MAPKAP1: variants seen among roughly 807,000 people sequenced by gnomAD.
The protein encoded by MAPKAP1 is target of rapamycin complex 2 subunit MAPKAP1.
In MAPKAP1, 20 loss-of-function variants were observed where a neutral mutation model predicts 65.7. The ratio of observed to expected loss-of-function variants is 0.30; its 90% CI spans 0.21 to 0.44. MAPKAP1 has a LOEUF of 0.44. Among genes scored for constraint, MAPKAP1 ranks in the 20% least tolerant of loss-of-function variants. MAPKAP1 has a pLI of 1.00. For missense variants in MAPKAP1, 423 were observed against 648.0 expected (o/e 0.65, Z 3.77); for synonymous variants, 222 against 244.3 (o/e 0.91, Z 0.85).
chr9:125,474,370 A>C (rs1011090826), intron 9 of MAPKAP1, among the ~76,000 whole-genome samples: 1 of 152,176 alleles, frequency 6.6e-6, no homozygotes, highest in African/African-American at 2.4e-5. Flanking sequence ...TGGAATGTGG[A>C]AACTTTTGTG....
chr9:125,504,273 C>T (rs1329064808), intron 8 of MAPKAP1, among the ~76,000 whole-genome samples: 1 of 152,108 alleles, frequency 6.6e-6, no homozygotes, highest in African/African-American at 2.4e-5. Flanking sequence ...CAAATGTTTA[C>T]TACTCATTTG....
At chr9:125,600,654 A>G (rs1832274236) in intron 4 of MAPKAP1, among the ~76,000 whole-genome samples, 1 of 152,266 alleles carries the variant, frequency 6.6e-6, no homozygotes, top group South Asian at 2.1e-4. Flanking sequence ...AGTAGGGACA[A>G]CAGGGAAAGG....
chr9:125,491,154 A>C (rs1257762457), intron 8 of MAPKAP1, among the ~76,000 whole-genome samples: 13 of 148,750 alleles, frequency 8.7e-5, no homozygotes, highest in Non-Finnish European at 1.6e-4. Flanking sequence ...AAAAAAAAAA[A>C]AAATTTAGGC....
chr9:125,653,743 T>C (rs1833956286), intron 4 of MAPKAP1, among the ~76,000 whole-genome samples: 1 of 152,224 alleles, frequency 6.6e-6, no homozygotes, highest in African/African-American at 2.4e-5. Flanking sequence ...GGTTGCTTTA[T>C]TAAACGACAC....
chr9:125,681,645 A>T (rs1009456144), intron 1 of MAPKAP1, among the ~76,000 whole-genome samples: 4 of 152,250 alleles, frequency 2.6e-5, no homozygotes, highest in Non-Finnish European at 5.9e-5. Flanking sequence ...CCTGAAGGGC[A>T]TGGGACAGTG....
intron 4 of MAPKAP1, 76 bp from the exon 5 acceptor site, chr9:125,585,803 GC>G: frequency 1.4e-6 from 2 of 1,405,712 alleles, no homozygotes; most frequent in African/African-American, 1.4e-5. Flanking sequence ...AGGCCTGTGG[GC>G]AGCACAGCCA....
Position 125,672,455 on chromosome 9 carries a change from C to T in MAPKAP1, c.120G>A (p.Lys40=), listed in dbSNP as rs758052383. The part of the protein sequence containing the change: ...VLIDHDVDLE[K]IHPPSMPGDS... Reference sequence around the variant, plus strand: ...CTCCAGGCATTGAAGGAGGATGAATCTTCTCTAGGTCAACATCATGATCAA... The same window carrying T: ...CTCCAGGCATTGAAGGAGGATGAATTTTCTCTAGGTCAACATCATGATCAA... Residue 40 remains lysine, a synonymous_variant, in exon 2 of 12, where the codon AAG becomes AAA. Coordinates refer to ENST00000265960, the MANE Select transcript of MAPKAP1 (RefSeq NM_001006617.3). 6.2e-7 allele frequency: 1 copy of T among 1,614,186 alleles called. No individual in the cohort carries two copies. Among genetic ancestry groups the T allele is most frequent in the South Asian group, 1.1e-5 (1 of 91,084 alleles).
intron 6 of MAPKAP1, among the ~76,000 whole-genome samples, chr9:125,549,548 T>C (rs1267708950): frequency 1.3e-5 from 2 of 152,216 alleles, no homozygotes; most frequent in African/African-American, 2.4e-5. Flanking sequence ...AAGCGTACTG[T>C]GGGAGCATGC....
At position 125,451,808 on chromosome 9, in the gene MAPKAP1, G is replaced by GTTTTT. The variant is rs71374268; in HGVS notation, c.1346-7215_1346-7211dup. Reference sequence around the variant, plus strand: ...CAGATTCAAACATCTACTCACAGGAGTTTTTTTTTTTTTTTTTTTGAGGCA... The same window carrying GTTTTT: ...CAGATTCAAACATCTACTCACAGGAGTTTTTTTTTTTTTTTTTTTTTTTTGAGGCA... On this transcript the variant is annotated intron_variant, in intron 10 of 11. Transcript: ENST00000265960. 1.1e-4 allele frequency among the ~76,000 whole-genome samples: 13 copies of GTTTTT among 117,850 alleles called. 2 individuals carry two copies. Among genetic ancestry groups the GTTTTT allele is most frequent in the East Asian group, 2.5e-4 (1 of 4,028 alleles). The allele number at this position is 117,850 out of a possible 152,430, so 77.3% of individuals were successfully genotyped here. A position where few individuals can be genotyped will look rare whatever the true frequency, so the allele number is the denominator to read the frequency against.
intron 4 of MAPKAP1, among the ~76,000 whole-genome samples, chr9:125,615,538 C>CAAAAAAAA (rs58426049): frequency 6.4e-4 from 71 of 110,750 alleles, no homozygotes; most frequent in African/African-American, 9.0e-4. Flanking sequence ...ACTAAAAATA[C>CAAAAAAAA]AAAAAAAAAA....
At chr9:125,643,072 G>A (rs1833624689) in intron 4 of MAPKAP1, among the ~76,000 whole-genome samples, 1 of 151,854 alleles carries the variant, frequency 6.6e-6, no homozygotes, top group Non-Finnish European at 1.5e-5. Flanking sequence ...GCTAATTTTT[G>A]TATTTTTAGT....
chr9:125,457,960 TC>T (rs1000020186), intron 10 of MAPKAP1, among the ~76,000 whole-genome samples: 8 of 152,202 alleles, frequency 5.3e-5, no homozygotes, highest in African/African-American at 1.9e-4. Context: ...CTCCTCCATC[TC>T]TTATCTCTGT....
intron 1 of MAPKAP1, among the ~76,000 whole-genome samples, chr9:125,684,096 T>C (rs999753951): frequency 4.5e-4 from 69 of 152,356 alleles, no homozygotes; most frequent in African/African-American, 1.5e-3. Flanking sequence ...GTGAGTCATA[T>C]GAATATTATT....
chr9:125,673,901 C>G (rs1417474316), intron 1 of MAPKAP1, among the ~76,000 whole-genome samples: 1 of 152,100 alleles, frequency 6.6e-6, no homozygotes, highest in African/African-American at 2.4e-5. Flanking sequence ...ATGATTGCAC[C>G]ATTGCACTCC....
intron 1 of MAPKAP1, chr9:125,696,386 G>A (rs1835384165): frequency 6.7e-6 from 1 of 150,324 alleles, no homozygotes; most frequent in African/African-American, 2.5e-5. Context: ...ACTCCAGCCT[G>A]GTCAATAGAG....
chr9:125,438,581 A>C lies in MAPKAP1; in HGVS notation c.*306T>G. Reference sequence around the variant, plus strand: ...GAAATGTGTGGGCACGGCTCTGTACATCCTCGGGCAGGGTGGCAGGCATTG... The same window carrying C: ...GAAATGTGTGGGCACGGCTCTGTACCTCCTCGGGCAGGGTGGCAGGCATTG... On this transcript the variant is annotated 3_prime_UTR_variant, in exon 12 of 12. Transcript: ENST00000265960. The C allele has an allele frequency of 2.2e-6, 1 of 452,046 alleles. No individual in the cohort carries two copies. 28.0% of individuals were successfully genotyped at this position (452,046 alleles called of 1,614,324 possible). A position where few individuals can be genotyped will look rare whatever the true frequency, so the allele number is the denominator to read the frequency against.
chr9:125,565,740 GCAAAA>G (rs1831032598), intron 5 of MAPKAP1: 10 of 124,564 alleles, frequency 8.0e-5, no homozygotes, highest in South Asian at 1.3e-4. Context: ...TTTCTCTCCT[GCAAAA>G]AAAAAAAAAA....
rs202229697 is a variant in MAPKAP1, at chr9:125,444,455, A to G, written c.1443+46T>C. The G allele has an allele frequency of 7.7e-4, 1,109 of 1,439,158 alleles. 6 individuals carry two copies. Among genetic ancestry groups the G allele is most frequent in the East Asian group, 4.9e-3 (212 of 43,516 alleles). The allele number at this position is 1,439,158 out of a possible 1,614,324, so 89.1% of individuals were successfully genotyped here. ...CCATGCCGCAAACAGCCTGAAGAGA[A>G]GCTGGACCCACCTACCCTGTCTCTG... On this transcript the variant is annotated intron_variant, in intron 11 of 11. Coordinates refer to ENST00000265960, the MANE Select transcript of MAPKAP1 (RefSeq NM_001006617.3).
intron 9 of MAPKAP1, among the ~76,000 whole-genome samples, chr9:125,479,074 T>A (rs1023805390): frequency 6.6e-6 from 1 of 152,190 alleles, no homozygotes. Flanking sequence ...AGTTTCATCA[T>A]ATAAAAAATG....
Sources: gnomAD v4.1 joint callset for allele counts (sites outside exome capture counted in the v4.1 genomes callset) on GRCh38, gnomAD v4.1.1 for gene constraint, MANE v1.5 for transcripts, NCBI Gene and HGNC (gene_info 2026-07-23, HGNC 2026-07-21) for gene names.